ZHX2: variants seen among roughly 807,000 people sequenced by gnomAD.
The protein encoded by ZHX2 is zinc fingers and homeoboxes protein 2.
In ZHX2, 6 loss-of-function variants were observed where a neutral mutation model predicts 21.9. The observed-to-expected ratio is 0.27, with a 90% CI of 0.15 to 0.54. The LOEUF (loss-of-function observed/expected upper bound fraction) is 0.54. Among genes scored for constraint, ZHX2 ranks in the 20% least tolerant of loss-of-function variants. The probability of loss-of-function intolerance (pLI) is 0.95; values close to 1 mark genes in which losing one functional copy is unlikely to be tolerated. For missense variants in ZHX2, 908 were observed against 1,090.7 expected (o/e 0.83, Z 2.36); for synonymous variants, 434 against 437.1 (o/e 0.99, Z 0.09).
At chr8:122,879,270 G>A (rs909837286) in intron 2 of ZHX2, among the ~76,000 whole-genome samples, 6 of 152,056 alleles carry the variant, frequency 3.9e-5, no homozygotes, top group Admixed American at 1.3e-4. Context: ...GCAGTGGCAC[G>A]ATCTTGGCTC....
intron 1 of ZHX2, among the ~76,000 whole-genome samples, chr8:122,783,810 C>T (rs537506979): frequency 3.2e-4 from 48 of 152,374 alleles, no homozygotes; most frequent in African/African-American, 1.1e-3. Flanking sequence ...GCTGTATACA[C>T]AGCTTCTTTT....
chr8:122,969,693 C>T (rs1813671936), intron 3 of ZHX2, among the ~76,000 whole-genome samples: 1 of 152,056 alleles, frequency 6.6e-6, no homozygotes, highest in Non-Finnish European at 1.5e-5. Flanking sequence ...ATAACAGGCA[C>T]TCGGCAAATG....
chr8:122,956,967 A>C (rs1459889228), intron 3 of ZHX2, among the ~76,000 whole-genome samples: 1 of 152,216 alleles, frequency 6.6e-6, no homozygotes, highest in East Asian at 1.9e-4. Context: ...CAAAGAAGAC[A>C]GTAATGAGGG....
At chr8:122,829,993 T>C (rs996882407) in intron 1 of ZHX2, among the ~76,000 whole-genome samples, 7 of 152,198 alleles carry the variant, frequency 4.6e-5, no homozygotes, top group Admixed American at 2.0e-4. Flanking sequence ...GTCAGAGCTA[T>C]TTGAACCAGA....
intron 1 of ZHX2, among the ~76,000 whole-genome samples, chr8:122,817,013 A>G (rs150293560): frequency 3.0e-4 from 46 of 152,136 alleles, no homozygotes; most frequent in African/African-American, 9.9e-4. Context: ...CAGATGGTGG[A>G]TGGAGAAAGA....
Position 122,951,795 on chromosome 8 carries a change from G to A in ZHX2, c.285G>A (p.Glu95=), listed in dbSNP as rs138740642. ...YSTQNLNEFT[E]HVDMQHPNVI... is the part of the protein sequence containing the mutation. The stretch of plus-strand genomic sequence containing the variant: ...CGCAAAACCTGAACGAGTTCACGGA[G>A]CATGTCGACATGCAGCATCCCAACG... The change falls in exon 3 of 4, where the codon GAG becomes GAA. Residue 95 remains glutamate (E), a synonymous_variant. Transcript: ENST00000314393. 100 of 1,614,110 alleles carry A rather than the reference G, an allele frequency of 6.2e-5. No individual in the cohort carries two copies. The African/African-American group carries it at 1.2e-3, about 19-fold the overall frequency.
chr8:122,874,933 C>T (rs1819527142), intron 2 of ZHX2, among the ~76,000 whole-genome samples: 1 of 151,700 alleles, frequency 6.6e-6, no homozygotes, highest in Admixed American at 6.6e-5. Context: ...CTATCCCTTA[C>T]TAGCAACGTG....
chr8:122,851,806 T>A (rs1282995632), intron 1 of ZHX2, among the ~76,000 whole-genome samples: 1 of 152,152 alleles, frequency 6.6e-6, no homozygotes, highest in African/African-American at 2.4e-5. Context: ...ACTAAGTCAG[T>A]GTTAGCAGCA....
At chr8:122,895,066 A>G (rs904405128) in intron 2 of ZHX2, among the ~76,000 whole-genome samples, 1 of 152,102 alleles carries the variant, frequency 6.6e-6, no homozygotes, top group African/African-American at 2.4e-5. Context: ...TAATTCTCAT[A>G]TTGTTTTTCA....
intron 2 of ZHX2, among the ~76,000 whole-genome samples, chr8:122,900,797 G>A (rs1362785241): frequency 6.6e-6 from 1 of 152,156 alleles, no homozygotes. Flanking sequence ...GAAGCAGCAG[G>A]ATTGCCATCC....
intron 1 of ZHX2, among the ~76,000 whole-genome samples, chr8:122,826,501 A>G (rs1388754783): frequency 6.6e-6 from 1 of 152,160 alleles, no homozygotes; most frequent in Non-Finnish European, 1.5e-5. Context: ...TACAGAGCTG[A>G]GATTTATACC....
intron 1 of ZHX2, among the ~76,000 whole-genome samples, chr8:122,788,910 A>G (rs1817456019): frequency 1.3e-5 from 2 of 152,194 alleles, no homozygotes; most frequent in Non-Finnish European, 2.9e-5. Flanking sequence ...TCTGTTATCT[A>G]CAGCTCCCCC....
At chr8:122,880,098 G>A (rs1261197826) in intron 2 of ZHX2, among the ~76,000 whole-genome samples, 3 of 150,096 alleles carry the variant, frequency 2.0e-5, no homozygotes, top group African/African-American at 7.4e-5. Flanking sequence ...TCAGCCTCCC[G>A]AGTACCTGGG....
At chr8:122,807,409 A>G (rs1337069985) in intron 1 of ZHX2, among the ~76,000 whole-genome samples, 1 of 152,218 alleles carries the variant, frequency 6.6e-6, no homozygotes, top group Non-Finnish European at 1.5e-5. Flanking sequence ...ACTGCATGGG[A>G]AGAAAAGCAA....
intron 1 of ZHX2, among the ~76,000 whole-genome samples, chr8:122,811,058 CAG>C (rs1172644662): frequency 6.6e-6 from 1 of 152,138 alleles, no homozygotes. Context: ...TGGAGACAGA[CAG>C]AGATGTTGAA....
intron 1 of ZHX2, among the ~76,000 whole-genome samples, chr8:122,819,571 G>A (rs1818099686): frequency 6.6e-6 from 1 of 152,252 alleles, no homozygotes; most frequent in Non-Finnish European, 1.5e-5. Context: ...TTCCACTGCA[G>A]TCAGTTCCTA....
intron 1 of ZHX2, among the ~76,000 whole-genome samples, chr8:122,799,407 TTG>T (rs1476515465): frequency 1.3e-5 from 2 of 152,194 alleles, no homozygotes; most frequent in Non-Finnish European, 2.9e-5. Flanking sequence ...ATTTTTTTTT[TTG>T]TTTGTTTTTT....
At chr8:122,912,856 G>GA (rs549893356) in intron 2 of ZHX2, among the ~76,000 whole-genome samples, 1,599 of 150,772 alleles carry the variant, frequency 0.011, 7 homozygotes, top group African/African-American at 0.023. Context: ...TTAGATTTAA[G>GA]AAAAAGAAAA....
chr8:122,850,221 C>T (rs1233678969), intron 1 of ZHX2, among the ~76,000 whole-genome samples: 1 of 152,190 alleles, frequency 6.6e-6, no homozygotes, highest in Non-Finnish European at 1.5e-5. Context: ...GTCGCACCCC[C>T]CCTCAGGTGC....
Sources: gnomAD v4.1 joint callset for allele counts (sites outside exome capture counted in the v4.1 genomes callset) on GRCh38, gnomAD v4.1.1 for gene constraint, MANE v1.5 for transcripts, NCBI Gene and HGNC (gene_info 2026-07-23, HGNC 2026-07-21) for gene names.